Variants in SNX29 observed in about 807,000 individuals in gnomAD.
SNX29 encodes the protein sorting nexin 29, also known as sorting nexin-29.
A neutral mutation model predicts 102.1 loss-of-function variants in SNX29; 78 were observed. That is an observed-to-expected ratio of 0.76 (90% confidence interval 0.64 to 0.92). The LOEUF is 0.92. SNX29 is among the 40% of genes least tolerant of loss of function. The pLI, the probability that SNX29 is intolerant of heterozygous loss-of-function variation, is 0.00. For missense variants in SNX29, 1,280 were observed against 1,061.7 expected (o/e 1.21, Z -2.86); for synonymous variants, 580 against 414.5 (o/e 1.40, Z -4.85).
intron 16 of SNX29, among the ~76,000 whole-genome samples, chr16:12,370,575 A>T (rs1262185768): frequency 2.0e-5 from 3 of 152,154 alleles, no homozygotes; most frequent in Admixed American, 6.6e-5. Flanking sequence ...AAATAAATGA[A>T]GGTACATCTC....
At chr16:12,309,178 C>T (rs2080448907) in intron 15 of SNX29, among the ~76,000 whole-genome samples, 1 of 152,120 alleles carries the variant, frequency 6.6e-6, no homozygotes, top group Admixed American at 6.5e-5. Flanking sequence ...AGGTGGGCTT[C>T]CTCTGCAATC....
intron 20 of SNX29, among the ~76,000 whole-genome samples, chr16:12,565,200 A>C: frequency 6.6e-6 from 1 of 152,262 alleles, no homozygotes; most frequent in South Asian, 2.1e-4. Flanking sequence ...AGATTCTGCT[A>C]TTCAGCCAGA....
At chr16:12,285,748 C>T (rs1380481250) in intron 15 of SNX29, among the ~76,000 whole-genome samples, 1 of 152,080 alleles carries the variant, frequency 6.6e-6, no homozygotes, top group African/African-American at 2.4e-5. Context: ...ATGGGCTTTT[C>T]AATAAAATAC....
intron 11 of SNX29, among the ~76,000 whole-genome samples, chr16:12,079,843 G>A (rs1040889073): frequency 2.0e-5 from 3 of 152,216 alleles, no homozygotes; most frequent in African/African-American, 7.2e-5. Flanking sequence ...CATTCCAGGC[G>A]GCAGGAAGGA....
At position 12,538,841 on chromosome 16, in the gene SNX29, G is replaced by A. The variant is rs1374471224; in HGVS notation, c.2318+14000G>A. Among the ~76,000 whole-genome samples, 5 of 152,186 alleles carry A rather than the reference G, an allele frequency of 3.3e-5. No individual in the cohort carries two copies. The East Asian group carries it at 9.6e-4, about 29-fold the overall frequency. ...TGGGAGGGCACTGCAAAGTCACGTG[G>A]CAAAGAGGGGCACAGAGAACGGTAG... On this transcript the variant is annotated intron_variant, in intron 20 of 20. Transcript: ENST00000566228.
At chr16:12,365,365 T>TG (rs1555520355) in intron 16 of SNX29, among the ~76,000 whole-genome samples, 3 of 151,194 alleles carry the variant, frequency 2.0e-5, no homozygotes, top group East Asian at 1.9e-4. Flanking sequence ...TGTGTGTGTG[T>TG]TTAGCATACT....
chr16:12,042,968 C>A lies in SNX29; in HGVS notation c.319C>A (p.His107Asn). 1 of 1,613,928 alleles carries A rather than the reference C, an allele frequency of 6.2e-7. No individual in the cohort carries two copies. The highest frequency in any genetic ancestry group is 8.5e-7 in the Non-Finnish European group (1 of 1,179,872). The change falls in exon 5 of 21, where the codon CAC (histidine) becomes AAC (asparagine). Residue 107 changes from histidine (H) to asparagine (N), a missense_variant. Coordinates refer to ENST00000566228, the MANE Select transcript of SNX29 (RefSeq NM_032167.5). ...HELQRFYSLRHIASDVGRGRA... is the reference protein window; with the variant it reads ...HELQRFYSLRNIASDVGRGRA... ...GCTGCAGCGCTTCTACTCCCTGCGC[C>A]ACATCGCCTCAGACGTGGGCCGGGG...
At chr16:12,056,742 C>T (rs529613862) in intron 8 of SNX29, among the ~76,000 whole-genome samples, 2 of 152,258 alleles carry the variant, frequency 1.3e-5, no homozygotes, top group Admixed American at 6.5e-5. Context: ...ATTAGCTTTG[C>T]GTTTTGTATT....
At chr16:12,298,719 G>C (rs574924910) in intron 15 of SNX29, among the ~76,000 whole-genome samples, 2 of 152,298 alleles carry the variant, frequency 1.3e-5, no homozygotes, top group East Asian at 1.9e-4. Flanking sequence ...ATGGCTGGGA[G>C]GACCCTTGCT....
intron 13 of SNX29, among the ~76,000 whole-genome samples, chr16:12,150,473 C>A (rs1254501241): frequency 6.6e-6 from 1 of 152,222 alleles, no homozygotes; most frequent in Admixed American, 6.5e-5. Flanking sequence ...CTAACCCAGG[C>A]CTTCACCAGC....
chr16:12,024,036 G>C (rs1310679660), intron 3 of SNX29, among the ~76,000 whole-genome samples: 1 of 152,114 alleles, frequency 6.6e-6, no homozygotes, highest in Non-Finnish European at 1.5e-5. Flanking sequence ...CTGGAAATCA[G>C]ACCATTAACA....
At chr16:12,023,227 TC>T (rs1280374567) in intron 3 of SNX29, among the ~76,000 whole-genome samples, 2 of 152,004 alleles carry the variant, frequency 1.3e-5, no homozygotes, top group African/African-American at 2.4e-5. Context: ...ATTAAAATAT[TC>T]ACTGTTGTTA....
intron 15 of SNX29, among the ~76,000 whole-genome samples, chr16:12,306,695 G>A (rs902794392): frequency 6.6e-6 from 1 of 152,182 alleles, no homozygotes; most frequent in African/African-American, 2.4e-5. Flanking sequence ...CTGCTGCAGC[G>A]GCATGGTCTT....
At chr16:12,550,937 T>C (rs184919325) in intron 20 of SNX29, among the ~76,000 whole-genome samples, 62 of 152,310 alleles carry the variant, frequency 4.1e-4, no homozygotes, top group African/African-American at 1.4e-3. Flanking sequence ...AATAAATTTT[T>C]AGTTGAATCA....
chr16:12,496,296 C>G (rs210717), intron 19 of SNX29, among the ~76,000 whole-genome samples: 51 of 152,204 alleles, frequency 3.4e-4, no homozygotes, highest in African/African-American at 1.2e-3. Flanking sequence ...GTTGTGTTTC[C>G]GTGGTGGTGG....
intron 18 of SNX29, among the ~76,000 whole-genome samples, chr16:12,412,406 G>C (rs958126326): frequency 6.6e-6 from 1 of 152,204 alleles, no homozygotes; most frequent in African/African-American, 2.4e-5. Context: ...TCCATAACAT[G>C]TTTCCTGAAA....
At chr16:12,150,317 G>A (rs941843100) in intron 13 of SNX29, among the ~76,000 whole-genome samples, 1 of 152,224 alleles carries the variant, frequency 6.6e-6, no homozygotes, top group African/African-American at 2.4e-5. Context: ...AGACTGGGTA[G>A]ATCAACCATG....
At position 12,571,199 on chromosome 16, in the gene SNX29, A is replaced by AAG. The variant is rs909755238; in HGVS notation, c.*2570_*2571insAG. ...AGTGTGGTGGGATGAACTTCAGGCA[A>AAG]CAAACAACTGGCAGGGTTCCCAGTT... On this transcript the variant is annotated 3_prime_UTR_variant, in exon 21 of 21. Coordinates refer to ENST00000566228, the MANE Select transcript of SNX29 (RefSeq NM_032167.5). The AAG allele has an allele frequency of 4.3e-6, 1 of 232,094 alleles. No homozygotes were observed. The highest frequency in any genetic ancestry group is 2.2e-5 in the African/African-American group (1 of 45,182). 14.4% of individuals were successfully genotyped at this position (232,094 alleles called of 1,614,324 possible).
rs35724715 is a variant in SNX29, at chr16:12,025,302, C to CAA, written c.123-1997_123-1996dup. Among the ~76,000 whole-genome samples, 171 of 60,408 alleles carry CAA rather than the reference C, an allele frequency of 2.8e-3. 9 individuals are homozygous for CAA. Among genetic ancestry groups the CAA allele is most frequent in the East Asian group, 3.6e-3 (5 of 1,370 alleles). The allele number at this position is 60,408 out of a possible 152,430, so 39.6% of individuals were successfully genotyped here. A position where few individuals can be genotyped will look rare whatever the true frequency, so the allele number is the denominator to read the frequency against. ...GGGCAACAAGAGCAAAACTCCATCT[C>CAA]AAAAAAAAAAAAAAAAAAAAAAGTG... On this transcript the variant is annotated intron_variant, in intron 3 of 20. Transcript: ENST00000566228.
Sources: gnomAD v4.1 joint callset for allele counts (sites outside exome capture counted in the v4.1 genomes callset) on GRCh38, gnomAD v4.1.1 for gene constraint, MANE v1.5 for transcripts, NCBI Gene and HGNC (gene_info 2026-07-23, HGNC 2026-07-21) for gene names.